The following STAB1 variants were observed in gnomAD, a reference collection of about 807,000 sequenced individuals.
The protein encoded by STAB1 is stabilin-1.
STAB1 carries 250 observed loss-of-function variants against 332.4 expected under a neutral mutation model. The observed-to-expected ratio is 0.75, with a 90% CI of 0.68 to 0.84. The LOEUF (loss-of-function observed/expected upper bound fraction) is 0.84, where lower values mean the gene tolerates loss of function less well. Among genes scored for constraint, STAB1 ranks in the 40% least tolerant of loss-of-function variants. The pLI is 0.00. For synonymous variants in STAB1, 1,475 were observed against 1,390.4 expected (o/e 1.06, Z -1.35); for missense variants, 3,249 against 3,489.7 (o/e 0.93, Z 1.74).
At position 52,504,290 on chromosome 3, in the gene STAB1, G is replaced by A. The variant is rs534959434; in HGVS notation, c.1150+135G>A. 2.8e-6 allele frequency: 4 copies of A among 1,448,870 alleles called. No homozygotes were observed. In the African/African-American group the frequency reaches 4.2e-5, roughly 15 times the overall value. The allele number at this position is 1,448,870 out of a possible 1,614,324, so 89.8% of individuals were successfully genotyped here. ...GAACAAACAGGTGGCTGTGGGGGGT[G>A]CATGCAGGGGGTGGGAGCTGCTCTC... is the stretch of plus-strand genomic sequence containing the variant. On this transcript the variant is annotated intron_variant, in intron 10 of 68. Coordinates refer to ENST00000321725, the MANE Select transcript of STAB1 (RefSeq NM_015136.3).
chr3:52,521,330 C>T (rs371764474), intron 55 of STAB1, 31 bp from the exon 56 acceptor site: 11 of 1,612,764 alleles, frequency 6.8e-6, no homozygotes, highest in South Asian at 1.1e-5. Context: ...GAGCCCCTGG[C>T]CCCACCTCAC....
rs1277611083 is a variant in STAB1 at position 52,524,109 on chromosome 3, G to A, written c.7552G>A (p.Asp2518Asn). The A allele has an allele frequency of 6.2e-7, 1 of 1,613,682 alleles. No individual in the cohort carries two copies. The highest frequency in any genetic ancestry group is 8.5e-7 in the Non-Finnish European group (1 of 1,180,028). ...FGFSAFQAED[D>N]ADDDFSPWQE... is the part of the protein sequence containing the mutation. ...CCTCTGCTGCTCCCAGGCGGAAGAT[G>A]ATGCTGATGACGACTTCTCACCGTG... The change falls in exon 68 of 69, where the codon GAT becomes AAT. Residue 2518 changes from aspartate to asparagine, a missense_variant. Transcript: ENST00000321725.
Position 52,509,797 on chromosome 3 carries a change from C to T in STAB1, c.2348-73C>T, listed in dbSNP as rs1472916594. ...TGGCTGCCCCACTCCCTATATCCCC[C>T]AAACCCATCCTGGCTCCCAGCCAGC... On this transcript the variant is annotated intron_variant, in intron 22 of 68. Coordinates refer to ENST00000321725, the MANE Select transcript of STAB1 (RefSeq NM_015136.3). 1.1e-5 allele frequency: 17 copies of T among 1,576,600 alleles called. No homozygotes were observed. The African/African-American group carries it at 2.3e-4, about 21-fold the overall frequency.
intron 50 of STAB1, 167 bp downstream of exon 50, chr3:52,519,731 C>T (rs1456442419): frequency 4.2e-6 from 5 of 1,186,220 alleles, no homozygotes; most frequent in African/African-American, 1.5e-5. Flanking sequence ...ATGTGCACCC[C>T]AGGTTGAGCA....
chr3:52,517,351 C>T lies in STAB1; in HGVS notation c.4521C>T (p.Gly1507=). 1.2e-6 allele frequency: 2 copies of T among 1,603,288 alleles called. No individual in the cohort carries two copies. The highest frequency in any genetic ancestry group is 1.7e-6 in the Non-Finnish European group (2 of 1,175,610). The change falls in exon 43 of 69, where the codon GGC becomes GGT. Residue 1507 remains glycine, a synonymous_variant. Coordinates refer to ENST00000321725, the MANE Select transcript of STAB1 (RefSeq NM_015136.3). ...EINSCLIHHG[G]CHIHAECIPT... ...ACAGCTGTCTCATCCACCACGGGGG[C>T]TGCCACATTCACGCCGAGTGCATCC... is the stretch of plus-strand genomic sequence containing the variant.
At position 52,506,720 on chromosome 3, in the gene STAB1, T is replaced by C. The variant is rs1326040023; in HGVS notation, c.1859T>C (p.Val620Ala). The change falls in exon 18 of 69, where the codon GTC becomes GCC. Residue 620 changes from valine to alanine, a missense_variant. Coordinates refer to ENST00000321725, the MANE Select transcript of STAB1 (RefSeq NM_015136.3). ...EGRILLGPEG[V>A]PLQRVDVMAA... ...CGCATCCTGCTGGGACCCGAGGGGGTCCCGCTGCAGAGGGTAGACGTGATG... is the reference window on the plus strand; with the variant it reads ...CGCATCCTGCTGGGACCCGAGGGGGCCCCGCTGCAGAGGGTAGACGTGATG... The C allele has an allele frequency of 2.5e-6, 4 of 1,611,400 alleles. No individual in the cohort carries two copies. The highest frequency in any genetic ancestry group is 1.1e-5 in the South Asian group (1 of 91,000).
At chr3:52,504,577 C>A in intron 11 of STAB1, 28 bp downstream of exon 11, 1 of 1,613,320 alleles carries the variant, frequency 6.2e-7, no homozygotes, top group Non-Finnish European at 8.5e-7. Flanking sequence ...GTGGAGCTGG[C>A]CACTGGCCCT....
intron 48 of STAB1, 134 bp from the exon 49 acceptor site, chr3:52,519,130 C>G (rs1248774469): frequency 3.9e-6 from 5 of 1,279,850 alleles, no homozygotes; most frequent in Non-Finnish European, 4.3e-6. Context: ...CCCCGCCCAC[C>G]TCGTCCTGGT....
At chr3:52,524,074 G>C in intron 67 of STAB1, 26 bp from the exon 68 acceptor site, 2 of 1,612,930 alleles carry the variant, frequency 1.2e-6, no homozygotes, top group African/African-American at 2.7e-5. Flanking sequence ...GAGGCGCCTC[G>C]CCACTCACCC....
At chr3:52,505,845 G>C in intron 15 of STAB1, 38 bp from the exon 16 acceptor site, 2 of 1,613,968 alleles carry the variant, frequency 1.2e-6, no homozygotes, top group Non-Finnish European at 8.5e-7. Flanking sequence ...CTCCCCCACA[G>C]TTCCTCCAGG....
chr3:52,521,280 C>A, intron 55 of STAB1, 81 bp from the exon 56 acceptor site: 1 of 1,582,114 alleles, frequency 6.3e-7, no homozygotes, highest in Non-Finnish European at 8.6e-7. Flanking sequence ...GGACAGATGG[C>A]AGGGCTAGGC....
At position 52,495,383 on chromosome 3, in the gene STAB1, G is replaced by A. The variant is rs768504060; in HGVS notation, c.-31G>A. ...TCCTAGAGCTCATTCCCTACGCCCC[G>A]ACTCTGTCCTGGACAGCGTGCCCAC... On this transcript the variant is annotated 5_prime_UTR_variant, in exon 1 of 69. Transcript: ENST00000321725. 21 of 1,315,994 alleles carry A rather than the reference G, an allele frequency of 1.6e-5. No homozygotes were observed. The highest frequency in any genetic ancestry group is 2.0e-4 in the Middle Eastern group (1 of 4,958). The allele number at this position is 1,315,994 out of a possible 1,614,324, so 81.5% of individuals were successfully genotyped here. A position where few individuals can be genotyped will look rare whatever the true frequency, so the allele number is the denominator to read the frequency against.
intron 20 of STAB1, 110 bp downstream of exon 20, chr3:52,508,136 G>C (rs758915965): frequency 2.3e-4 from 316 of 1,362,284 alleles, no homozygotes; most frequent in Non-Finnish European, 3.1e-4. Flanking sequence ...ATGCACTGCA[G>C]CCTGACGGTG....
rs1708801484 is a variant in STAB1, at chr3:52,505,686, A to T, written c.1600A>T (p.Ile534Phe). 1 of 1,613,600 alleles carries T rather than the reference A, an allele frequency of 6.2e-7. No individual in the cohort carries two copies. Among genetic ancestry groups the T allele is most frequent in the East Asian group, 2.2e-5 (1 of 44,884 alleles). ...ACCACAGAACTGTGGGCTGCCCTCC[A>T]TCCTGGACGGACCTGGGCCCTTCAC... ...TILENCGLPS[I>F]LDGPGPFTVF... Residue 534 changes from isoleucine to phenylalanine, a missense_variant, in exon 15 of 69, where the codon ATC becomes TTC. Coordinates refer to ENST00000321725, the MANE Select transcript of STAB1 (RefSeq NM_015136.3).
At chr3:52,506,273 C>T (rs199539275) in intron 17 of STAB1, 23 bp downstream of exon 17, 57 of 1,599,592 alleles carry the variant, frequency 3.6e-5, no homozygotes, top group East Asian at 1.6e-4. Context: ...GACACCTGGG[C>T]GGATGGTGGG....
At position 52,513,719 on chromosome 3, in the gene STAB1, G is replaced by A. The variant is rs2153233653; in HGVS notation, c.3273G>A (p.Arg1091=). ...TAAGCTCTGCTGCTGCCTTCCAGAG[G>A]GTCTGGGTGCAGAATGCCAGCGTGG... is the stretch of plus-strand genomic sequence containing the variant. ...TRWEIRNISG[R]VWVQNASVDV... The change falls in exon 31 of 69, where the codon AGG becomes AGA. Residue 1091 remains arginine (R), a splice_region_variant and synonymous_variant. Coordinates refer to ENST00000321725, the MANE Select transcript of STAB1 (RefSeq NM_015136.3). The A allele has an allele frequency of 1.2e-6, 2 of 1,612,990 alleles. No homozygotes were observed. Among genetic ancestry groups the A allele is most frequent in the African/African-American group, 1.3e-5 (1 of 75,044 alleles).
In STAB1 at chr3:52,520,224, C is replaced by T. The variant is rs752988522; in HGVS notation, c.5433C>T (p.Pro1811=). The T allele has an allele frequency of 3.1e-6, 5 of 1,613,180 alleles. No homozygotes were observed. In the Admixed American group the frequency reaches 6.7e-5, roughly 21 times the overall value. Residue 1811 remains proline (P), a synonymous_variant, in exon 52 of 69, where the codon CCC becomes CCT. Transcript: ENST00000321725. Reference sequence around the variant, plus strand: ...CTCAGGCCTTGGCATCTGACCTGCCCAACCTGGGCCCACTTCGAACCATGC... The same window carrying T: ...CTCAGGCCTTGGCATCTGACCTGCCTAACCTGGGCCCACTTCGAACCATGC... ...RNVEALASDL[P]NLGPLRTMHG...
Position 52,517,873 on chromosome 3 carries a change from TG to T in STAB1, c.4639-7del. ...CACTGATACCTTCCTCTCCTGTCCCTGACTCAGAACAATGGAGGATGCAGCC... is the reference window on the plus strand; with the variant it reads ...CACTGATACCTTCCTCTCCTGTCCCTACTCAGAACAATGGAGGATGCAGCC... On this transcript the variant is annotated splice_polypyrimidine_tract_variant and splice_region_variant and intron_variant, in intron 44 of 68. Transcript: ENST00000321725. The T allele has an allele frequency of 6.2e-7, 1 of 1,612,204 alleles. No homozygotes were observed. Among genetic ancestry groups the T allele is most frequent in the South Asian group, 1.1e-5 (1 of 90,994 alleles).
At chr3:52,519,815 G>T in intron 50 of STAB1, 129 bp from the exon 51 acceptor site, 1 of 1,278,684 alleles carries the variant, frequency 7.8e-7, no homozygotes, top group Non-Finnish European at 1.1e-6. Flanking sequence ...ACACATGCCT[G>T]CCTGGGATGG....
Sources: allele counts gnomAD v4.1 joint callset, GRCh38; gene constraint gnomAD v4.1.1; transcripts MANE v1.5; gene names NCBI Gene and HGNC (gene_info 2026-07-23, HGNC 2026-07-21).